AP4S1: variants seen among roughly 807,000 people sequenced by gnomAD.
AP4S1 encodes the protein adaptor related protein complex 4 subunit sigma 1.
AP4S1 carries 23 observed loss-of-function variants against 19.8 expected under a neutral mutation model. That is an observed-to-expected ratio of 1.16 (90% CI 0.84 to 1.65). AP4S1 has a LOEUF of 1.65. Ranked by LOEUF, AP4S1 falls within the 40% of genes most tolerant of loss-of-function variation. The probability of loss-of-function intolerance (pLI) is 0.00; values close to 1 mark genes in which losing one functional copy is unlikely to be tolerated. For missense variants in AP4S1, 166 were observed against 172.8 expected (o/e 0.96, Z 0.22); for synonymous variants, 46 against 54.1 (o/e 0.85, Z 0.66).
intron 5 of AP4S1, among the ~76,000 whole-genome samples, chr14:31,087,724 A>G (rs1182229523): frequency 6.6e-6 from 1 of 152,148 alleles, no homozygotes; most frequent in Non-Finnish European, 1.5e-5. Flanking sequence ...CTAATAAAAC[A>G]TGCCTGTCAC....
At chr14:31,064,024 C>T (rs1886581818) in intron 1 of AP4S1, among the ~76,000 whole-genome samples, 1 of 152,130 alleles carries the variant, frequency 6.6e-6, no homozygotes, top group Non-Finnish European at 1.5e-5. Context: ...GAAGGACTGG[C>T]CATTGATGAA....
At chr14:31,072,687 G>A (rs1887078476) in intron 3 of AP4S1, among the ~76,000 whole-genome samples, 1 of 152,134 alleles carries the variant, frequency 6.6e-6, no homozygotes. Context: ...AATCCTAGAA[G>A]TTAAGGTTTA....
chr14:31,087,283 T>C (rs1887946295), intron 5 of AP4S1, among the ~76,000 whole-genome samples: 1 of 152,212 alleles, frequency 6.6e-6, no homozygotes, highest in Admixed American at 6.5e-5. Context: ...GAAGAGCTGG[T>C]ACTAGTTTCT....
chr14:31,031,032 G>T (rs1028564511), intron 1 of AP4S1, among the ~76,000 whole-genome samples: 1 of 152,090 alleles, frequency 6.6e-6, no homozygotes. Context: ...TCATGGGGAC[G>T]GTTTCCCCCA....
At chr14:31,034,647 G>A (rs1375629222) in intron 1 of AP4S1, among the ~76,000 whole-genome samples, 2 of 115,216 alleles carry the variant, frequency 1.7e-5, no homozygotes, top group African/African-American at 6.9e-5. Context: ...ACAGAGTCTT[G>A]CTCTGTCATG....
chr14:31,082,232 A>AC (rs1887673991), intron 5 of AP4S1, among the ~76,000 whole-genome samples: 1 of 152,134 alleles, frequency 6.6e-6, no homozygotes, highest in Non-Finnish European at 1.5e-5. Context: ...CCTAGAAGGG[A>AC]CTATAGATCC....
chr14:31,081,070 G>C (rs1887615170), intron 5 of AP4S1, among the ~76,000 whole-genome samples: 2 of 152,160 alleles, frequency 1.3e-5, no homozygotes, highest in Non-Finnish European at 2.9e-5. Context: ...GGGATTACAG[G>C]CGTGAACCAC....
intron 5 of AP4S1, among the ~76,000 whole-genome samples, chr14:31,090,793 T>A (rs1173494654): frequency 1.3e-5 from 2 of 152,274 alleles, no homozygotes; most frequent in Admixed American, 1.3e-4. Flanking sequence ...GCTGGATTCT[T>A]ATTTTAAAAG....
At chr14:31,049,428 A>AAAAAAAAAAAT (rs1384450221) in intron 1 of AP4S1, among the ~76,000 whole-genome samples, 2 of 57,744 alleles carry the variant, frequency 3.5e-5, no homozygotes, top group Non-Finnish European at 5.8e-5. Flanking sequence ...AAAAAAAAAA[A>AAAAAAAAAAAT]ATATATATAT....
intron 1 of AP4S1, among the ~76,000 whole-genome samples, chr14:31,031,231 T>G (rs1884371595): frequency 6.6e-6 from 1 of 152,184 alleles, no homozygotes; most frequent in African/African-American, 2.4e-5. Flanking sequence ...CTCTTTCCTT[T>G]ATAAATTACC....
intron 1 of AP4S1, among the ~76,000 whole-genome samples, chr14:31,038,992 GT>G (rs11362456): frequency 0.71 from 100,733 of 142,546 alleles, 35,809 homozygotes; most frequent in Admixed American, 0.78. Flanking sequence ...AAATGTAGAG[GT>G]TTTTTTTTTT....
chr14:31,026,546 C>T (rs1285240000), intron 1 of AP4S1: 1 of 198,008 alleles, frequency 5.1e-6, no homozygotes, highest in East Asian at 1.2e-4. Context: ...CACCCTACGC[C>T]GGCGCACTGA....
chr14:31,073,135 A>T (rs574598846), intron 4 of AP4S1, 162 bp downstream of exon 4: 298 of 684,098 alleles, frequency 4.4e-4, no homozygotes, highest in African/African-American at 3.7e-3. Flanking sequence ...CTTCTGGTTT[A>T]TCCAAAGTGT....
intron 1 of AP4S1, chr14:31,026,738 C>T (rs1883999374): frequency 6.6e-6 from 1 of 152,370 alleles, no homozygotes; most frequent in Non-Finnish European, 1.5e-5. Context: ...GCAGGCCGTC[C>T]CCGGGCGCTG....
chr14:31,042,071 T>G (rs1462108937), intron 1 of AP4S1, among the ~76,000 whole-genome samples: 1 of 152,144 alleles, frequency 6.6e-6, no homozygotes, highest in East Asian at 1.9e-4. Context: ...CCTCAGGTGA[T>G]CCACATGCCT....
intron 1 of AP4S1, among the ~76,000 whole-genome samples, chr14:31,046,621 G>A (rs908881737): frequency 8.5e-5 from 13 of 152,072 alleles, no homozygotes; most frequent in Non-Finnish European, 1.5e-4. Context: ...CAAGGCAGGC[G>A]GATCACAGGG....
intron 1 of AP4S1, among the ~76,000 whole-genome samples, chr14:31,044,832 A>G (rs1485635893): frequency 7.2e-5 from 11 of 151,972 alleles, no homozygotes; most frequent in Non-Finnish European, 1.2e-4. Flanking sequence ...CCTAAGATGA[A>G]CCTTGTGAAG....
Position 31,084,645 on chromosome 14 carries a change from G to A in AP4S1, c.306+4061G>A, listed in dbSNP as rs532943159. 52 of 1,487,098 alleles carry A rather than the reference G, an allele frequency of 3.5e-5. 1 individual carries two copies. The South Asian group carries it at 4.0e-4, about 11-fold the overall frequency. 92.1% of individuals were successfully genotyped at this position (1,487,098 alleles called of 1,614,324 possible). A position where few individuals can be genotyped will look rare whatever the true frequency, so the allele number is the denominator to read the frequency against. ...TGCACTCTTCAGTTCCACTCCACCC[G>A]CCCGGCTGAAGTGAGGCCTGAAGAT... On this transcript the variant is annotated intron_variant, in intron 5 of 5. Transcript: ENST00000542754.
intron 1 of AP4S1, among the ~76,000 whole-genome samples, chr14:31,047,500 G>A: frequency 6.7e-6 from 1 of 150,014 alleles, no homozygotes; most frequent in East Asian, 2.0e-4. Context: ...CCGTTCTCCT[G>A]CCTCAGCCTC....
Sources: gnomAD v4.1 joint callset for allele counts (sites outside exome capture counted in the v4.1 genomes callset) on GRCh38, gnomAD v4.1.1 for gene constraint, MANE v1.5 for transcripts, NCBI Gene and HGNC (gene_info 2026-07-23, HGNC 2026-07-21) for gene names.